The following CACNA1B variants were observed in gnomAD, a reference collection of about 807,000 sequenced individuals.
CACNA1B encodes calcium voltage-gated channel subunit alpha1 B.
CACNA1B carries 70 observed loss-of-function variants against 247.2 expected under a neutral mutation model. The ratio of observed to expected loss-of-function variants is 0.28; its 90% CI spans 0.23 to 0.35. The LOEUF is 0.35. Ranked by LOEUF, CACNA1B falls within the 10% of genes least tolerant of loss-of-function variation. The pLI is 1.00. For synonymous variants in CACNA1B, 1,231 were observed against 1,294.4 expected (o/e 0.95, Z 1.05); for missense variants, 2,367 against 3,197.4 (o/e 0.74, Z 6.26).
intron 10 of CACNA1B, among the ~76,000 whole-genome samples, chr9:137,966,506 C>T (rs537409062): frequency 1.6e-4 from 24 of 151,062 alleles, no homozygotes; most frequent in Admixed American, 4.6e-4. Flanking sequence ...GGGTTACAGG[C>T]GTGGGCCACT....
chr9:138,087,848 A>G (rs1960752753), intron 36 of CACNA1B, among the ~76,000 whole-genome samples: 1 of 152,110 alleles, frequency 6.6e-6, no homozygotes, highest in Non-Finnish European at 1.5e-5. Context: ...GCATGCCAAA[A>G]CTTATGGGAT....
chr9:137,906,820 T>C (rs1344128626), intron 3 of CACNA1B, among the ~76,000 whole-genome samples: 1 of 151,742 alleles, frequency 6.6e-6, no homozygotes, highest in Non-Finnish European at 1.5e-5. Context: ...ATTTAACATA[T>C]GTGTTCCCCT....
At chr9:138,097,229 C>T (rs1205742560) in intron 37 of CACNA1B, among the ~76,000 whole-genome samples, 1 of 152,108 alleles carries the variant, frequency 6.6e-6, no homozygotes, top group Non-Finnish European at 1.5e-5. Context: ...TGTCTATCAT[C>T]TGTCATCGTG....
At chr9:138,081,264 G>A (rs1452236676) in intron 36 of CACNA1B, among the ~76,000 whole-genome samples, 1 of 152,218 alleles carries the variant, frequency 6.6e-6, no homozygotes, top group Non-Finnish European at 1.5e-5. Context: ...GAATCCTTGG[G>A]TTTAGCTATC....
rs1956937073 is a variant in CACNA1B at position 137,882,507 on chromosome 9, G to A, written c.391-237G>A. On this transcript the variant is annotated intron_variant, in intron 2 of 46. Transcript: ENST00000371372. This position sits in a 1 kb window ranked among gnomAD's most constrained non-coding sequence, Gnocchi z 4.0. The stretch of plus-strand genomic sequence containing the variant: ...AGGGGCCTGCAGGCATGACTGGGAT[G>A]TTGCTGCTGTAAACAGTGGTGTCCC... Among the ~76,000 whole-genome samples, 1 of 152,204 alleles carries A rather than the reference G, an allele frequency of 6.6e-6. No homozygotes were observed. The highest frequency in any genetic ancestry group is 1.5e-5 in the Non-Finnish European group (1 of 68,040).
chr9:137,884,239 C>A (rs1371913009), intron 3 of CACNA1B, among the ~76,000 whole-genome samples: 1 of 152,134 alleles, frequency 6.6e-6, no homozygotes, highest in Admixed American at 6.5e-5. Flanking sequence ...AGGCTCAGCC[C>A]CCAGAGCTGT....
rs1358025316 is a variant in CACNA1B at position 138,047,033 on chromosome 9, C to T, written c.3543C>T (p.Asn1181=). The change falls in exon 22 of 47, where the codon AAC becomes AAT. Residue 1181 remains asparagine (N), a splice_region_variant and synonymous_variant. Coordinates refer to ENST00000371372, the MANE Select transcript of CACNA1B (RefSeq NM_000718.4). ...TGCGCACAGACTCGCCCAGGAACAA[C>T]GTGAGTGGCCCGGATGGCCGGGTCC... ...DPVRTDSPRN[N]ALKYLDYIFT... 8.7e-6 allele frequency: 14 copies of T among 1,606,432 alleles called. No homozygotes were observed. Among genetic ancestry groups the T allele is most frequent in the Middle Eastern group, 1.7e-4 (1 of 6,046 alleles).
chr9:137,883,688 G>A (rs1460501978), intron 3 of CACNA1B, among the ~76,000 whole-genome samples: 1 of 152,114 alleles, frequency 6.6e-6, no homozygotes. Context: ...GTGAGTGCTT[G>A]GGGAGTTGCC....
chr9:138,104,590 G>A (rs1229046162), intron 38 of CACNA1B, among the ~76,000 whole-genome samples: 5 of 152,186 alleles, frequency 3.3e-5, no homozygotes, highest in African/African-American at 4.8e-5. Flanking sequence ...TCTCCAGCCC[G>A]GCTTGCATCC....
intron 6 of CACNA1B, among the ~76,000 whole-genome samples, chr9:137,948,976 CTG>C (rs1020918011): frequency 6.0e-5 from 7 of 116,326 alleles, no homozygotes; most frequent in Non-Finnish European, 1.2e-4. Context: ...TGGTGTGTGT[CTG>C]TTGTGTGTCT....
chr9:138,027,655 G>C (rs1456533082), intron 20 of CACNA1B, among the ~76,000 whole-genome samples: 1 of 152,092 alleles, frequency 6.6e-6, no homozygotes, highest in Non-Finnish European at 1.5e-5. Context: ...TTTTTATCTG[G>C]AATAGATGTT....
intron 19 of CACNA1B, 95 bp downstream of exon 19, chr9:138,023,906 G>A: frequency 1.5e-6 from 1 of 652,862 alleles, no homozygotes; most frequent in Non-Finnish European, 2.7e-6. Context: ...CACGGCGGAG[G>A]CTGCAGCCCC....
rs1284926112 is a variant in CACNA1B at position 138,011,521 on chromosome 9, A to G, written c.2160+1444A>G. ...CCATCCCCTTCCCTTATATTCCCAT[A>G]ATATTCCCACAAAAGCATTACAGCA... On this transcript the variant is annotated intron_variant, in intron 17 of 46. Transcript: ENST00000371372. This position sits in a 1 kb window ranked among gnomAD's most constrained non-coding sequence, Gnocchi z 4.2. Among the ~76,000 whole-genome samples the G allele has an allele frequency of 6.6e-6, 1 of 152,178 alleles. No homozygotes were observed. Among genetic ancestry groups the G allele is most frequent in the Non-Finnish European group, 1.5e-5 (1 of 68,034 alleles).
At chr9:137,951,103 G>T (rs2133336021) in intron 6 of CACNA1B, among the ~76,000 whole-genome samples, 1 of 152,348 alleles carries the variant, frequency 6.6e-6, no homozygotes, top group Admixed American at 6.5e-5. Context: ...CTTGTGGGAA[G>T]TTGGTGGCTT....
rs942881279 is a variant in CACNA1B, at chr9:138,059,138, A to C, written c.4533A>C (p.Thr1511=). 4.3e-6 allele frequency: 7 copies of C among 1,613,134 alleles called. No individual in the cohort carries two copies. The highest frequency in any genetic ancestry group is 5.1e-6 in the Non-Finnish European group (6 of 1,179,228). The part of the protein sequence containing the change: ...LMLKCLNIVF[T]SMFSMECVLK... Reference sequence around the variant, plus strand: ...TGAAATGCCTGAACATCGTGTTCACATCCATGTTCTCCATGGAATGCGTGC... The same window carrying C: ...TGAAATGCCTGAACATCGTGTTCACCTCCATGTTCTCCATGGAATGCGTGC... The change falls in exon 30 of 47, where the codon ACA becomes ACC. Residue 1511 remains threonine (T), a synonymous_variant. Coordinates refer to ENST00000371372, the MANE Select transcript of CACNA1B (RefSeq NM_000718.4). This position sits in a 1 kb window ranked among gnomAD's most constrained non-coding sequence, Gnocchi z 4.2.
intron 31 of CACNA1B, among the ~76,000 whole-genome samples, chr9:138,060,666 CA>C (rs1959689583): frequency 6.6e-6 from 1 of 152,226 alleles, no homozygotes; most frequent in Non-Finnish European, 1.5e-5. Context: ...GTGCTGCACC[CA>C]AGCTGTTAGG....
intron 3 of CACNA1B, among the ~76,000 whole-genome samples, chr9:137,907,307 C>T (rs1957310191): frequency 6.6e-6 from 1 of 152,152 alleles, no homozygotes; most frequent in African/African-American, 2.4e-5. Context: ...TTTCTGTCTT[C>T]TTGTGAAAGG....
At chr9:138,106,846 C>G (rs2131355543) in intron 39 of CACNA1B, among the ~76,000 whole-genome samples, 1 of 152,340 alleles carries the variant, frequency 6.6e-6, no homozygotes, top group South Asian at 2.1e-4. Flanking sequence ...GAGGTTGTCT[C>G]TGATTTCCCT....
chr9:138,049,986 A>G (rs1216418045), intron 24 of CACNA1B: 1 of 887,732 alleles, frequency 1.1e-6, no homozygotes, highest in East Asian at 6.2e-5. Flanking sequence ...GACATGAGGG[A>G]GGGTCCACAT....
Sources: allele counts gnomAD v4.1 joint callset (sites outside exome capture counted in the v4.1 genomes callset), GRCh38; gene constraint gnomAD v4.1.1; non-coding constraint Gnocchi (gnomAD v3.1); transcripts MANE v1.5; gene names NCBI Gene and HGNC (gene_info 2026-07-23, HGNC 2026-07-21).